Variants in DYRK3 observed in about 807,000 individuals in gnomAD.
DYRK3 encodes dual specificity tyrosine-phosphorylation-regulated kinase 3.
In DYRK3, 30 loss-of-function variants were observed where a neutral mutation model predicts 40.8. The ratio of observed to expected loss-of-function variants is 0.74; its 90% CI spans 0.55 to 1.00. DYRK3 has a LOEUF of 1.00. DYRK3 is among the 50% of genes least tolerant of loss of function. The pLI is 0.00. For synonymous variants in DYRK3, 272 were observed against 260.7 expected (o/e 1.04, Z -0.42); for missense variants, 699 against 731.5 (o/e 0.96, Z 0.51).
In DYRK3 at chr1:206,650,597, A is replaced by G. The variant is rs1572454011; in HGVS notation, c.*1632A>G. Among the ~76,000 whole-genome samples the G allele has an allele frequency of 6.7e-6, 1 of 148,870 alleles. No homozygotes were observed. Among genetic ancestry groups the G allele is most frequent in the African/African-American group, 2.4e-5 (1 of 41,078 alleles). The stretch of plus-strand genomic sequence containing the variant: ...AAGTAGAATATTTGCTTTTTACAAT[A>G]TAGTTCTCAGAATGATCCAGTTCCA... On this transcript the variant is annotated 3_prime_UTR_variant, in exon 3 of 3. Transcript: ENST00000367109.
chr1:206,638,198 T>A (rs1399754624), intron 2 of DYRK3, among the ~76,000 whole-genome samples: 1 of 151,902 alleles, frequency 6.6e-6, no homozygotes, highest in Non-Finnish European at 1.5e-5. Flanking sequence ...AGAACCATTT[T>A]ATAGATAGAT....
rs1553420493 is a variant in DYRK3, at chr1:206,647,977, T to A, written c.779T>A (p.Leu260His). ...GAGGAGATCCGGATTTTGGAGCATC[T>A]TAAGAAACAGGATAAAACTGGTAGT... ...AAEEIRILEHLKKQDKTGSMN... is the reference protein window; with the variant it reads ...AAEEIRILEHHKKQDKTGSMN... The change falls in exon 3 of 3, where the codon CTT becomes CAT. Residue 260 changes from leucine (L) to histidine (H), a missense_variant. Physicochemically the swap from Leu to His is moderately conservative, Grantham distance 99 (BLOSUM62 -3). Transcript: ENST00000367109. 1 of 1,614,096 alleles carries A rather than the reference T, an allele frequency of 6.2e-7. No homozygotes were observed. The highest frequency in any genetic ancestry group is 1.7e-5 in the Admixed American group (1 of 60,008).
chr1:206,652,968 C>T lies in DYRK3; in HGVS notation c.*4003C>T, dbSNP rs572217997. Among the ~76,000 whole-genome samples the T allele has an allele frequency of 3.5e-4, 54 of 152,164 alleles. No homozygotes were observed. Among genetic ancestry groups the T allele is most frequent in the Admixed American group, 6.5e-4 (10 of 15,276 alleles). On this transcript the variant is annotated 3_prime_UTR_variant, in exon 3 of 3. Coordinates refer to ENST00000367109, the MANE Select transcript of DYRK3 (RefSeq NM_003582.4). ...TTTAATTTCCAAGTTGTTTCTGACA[C>T]GGTGAGAGTTGGGTTAGAATTTTTA...
chr1:206,638,916 G>T (rs1553418832), intron 2 of DYRK3, among the ~76,000 whole-genome samples: 1 of 117,550 alleles, frequency 8.5e-6, no homozygotes, highest in Admixed American at 1.2e-4. Flanking sequence ...GTCTTACTCT[G>T]TCTTCCAGGC....
At chr1:206,644,689 G>A (rs184682133) in intron 2 of DYRK3, among the ~76,000 whole-genome samples, 338 of 152,178 alleles carry the variant, frequency 2.2e-3, no homozygotes, top group African/African-American at 7.7e-3. Flanking sequence ...GCAGGTGCGC[G>A]CCACTACGCC....
chr1:206,644,056 A>T (rs1553419744), intron 2 of DYRK3, among the ~76,000 whole-genome samples: 1 of 55,604 alleles, frequency 1.8e-5, no homozygotes, highest in Non-Finnish European at 4.3e-5. Flanking sequence ...TTTTTTTGAG[A>T]AGTAGTCTTG....
intron 2 of DYRK3, among the ~76,000 whole-genome samples, chr1:206,639,000 C>G (rs1553418858): frequency 6.6e-6 from 1 of 151,484 alleles, no homozygotes; most frequent in Middle Eastern, 3.2e-3. Context: ...CTGCCTCAGC[C>G]TTCCTGAGTA....
In DYRK3 at chr1:206,647,391, A is replaced by T. The variant is rs1164869489; in HGVS notation, c.193A>T (p.Thr65Ser). The change falls in exon 3 of 3, where the codon ACC becomes TCC. Residue 65 changes from threonine (T) to serine (S), a missense_variant. Transcript: ENST00000367109. ...ATATTCATTTTCTCTTTCATAGATG[A>T]CCACTGAGCAGTTTACAGGAGATCA... ...EPPPPRRLNM[T>S]TEQFTGDHTQ... 6 of 1,580,586 alleles carry T rather than the reference A, an allele frequency of 3.8e-6. No homozygotes were observed. The highest frequency in any genetic ancestry group is 1.9e-5 in the Admixed American group (1 of 53,044).
chr1:206,648,175 T>A lies in DYRK3; in HGVS notation c.977T>A (p.Leu326His). Residue 326 changes from leucine (L) to histidine (H), a missense_variant, in exon 3 of 3, where the codon CTC becomes CAC. By Grantham distance (99) the Leu-to-His change is moderately conservative (BLOSUM62 -3). Coordinates refer to ENST00000367109, the MANE Select transcript of DYRK3 (RefSeq NM_003582.4). ...AQSILQSLDA[L>H]HKNKIIHCDL... is the part of the protein sequence containing the mutation. ...TCCATCTTGCAATCTTTGGATGCCC[T>A]CCACAAAAATAAGATTATTCACTGC... is the stretch of plus-strand genomic sequence containing the variant. 5 of 1,614,118 alleles carry A rather than the reference T, an allele frequency of 3.1e-6. No homozygotes were observed. Among genetic ancestry groups the A allele is most frequent in the Non-Finnish European group, 4.2e-6 (5 of 1,180,018 alleles).
Position 206,647,453 on chromosome 1 carries a change from A to G in DYRK3, c.255A>G (p.Val85=). ...QHFLDGGEMK[V]EQLFQEFGNR... ...TTTTGGATGGAGGTGAGATGAAGGTAGAACAGCTGTTTCAAGAATTTGGCA... is the reference window on the plus strand; with the variant it reads ...TTTTGGATGGAGGTGAGATGAAGGTGGAACAGCTGTTTCAAGAATTTGGCA... Residue 85 remains valine (V), a synonymous_variant, in exon 3 of 3, where the codon GTA becomes GTG. Transcript: ENST00000367109. 1 of 1,614,160 alleles carries G rather than the reference A, an allele frequency of 6.2e-7. No homozygotes were observed. Among genetic ancestry groups the G allele is most frequent in the Non-Finnish European group, 8.5e-7 (1 of 1,180,006 alleles).
Position 206,648,933 on chromosome 1 carries a change from C to G in DYRK3, c.1735C>G (p.Leu579Val). Reference protein sequence around the residue: ...LMSETNGSIPLCSVLPKLIS With the variant: ...LMSETNGSIPVCSVLPKLIS ...GTCAGAAACCAATGGTAGTATACCC[C>G]TATGCAGTGTATTGCCAAAACTGAT... Residue 579 changes from leucine (L) to valine (V), a missense_variant, in exon 3 of 3, where the codon CTA becomes GTA. Physicochemically the swap from Leu to Val is conservative, Grantham distance 32 (BLOSUM62 1). Coordinates refer to ENST00000367109, the MANE Select transcript of DYRK3 (RefSeq NM_003582.4). 6.2e-7 allele frequency: 1 copy of G among 1,613,716 alleles called. No homozygotes were observed. Among genetic ancestry groups the G allele is most frequent in the Admixed American group, 1.7e-5 (1 of 60,004 alleles).
chr1:206,651,339 CA>C lies in DYRK3; in HGVS notation c.*2375del, dbSNP rs1298240972. On this transcript the variant is annotated 3_prime_UTR_variant, in exon 3 of 3. Coordinates refer to ENST00000367109, the MANE Select transcript of DYRK3 (RefSeq NM_003582.4). ...ACATTGCGTAGGTTTGGGAATTTTG[CA>C]GGTGCTAAATCATCATGGCCAGGAA... 6.6e-6 allele frequency among the ~76,000 whole-genome samples: 1 copy of C among 152,180 alleles called. No individual in the cohort carries two copies. Among genetic ancestry groups the C allele is most frequent in the South Asian group, 2.1e-4 (1 of 4,832 alleles).
chr1:206,643,054 G>T (rs1671336095), intron 2 of DYRK3, among the ~76,000 whole-genome samples: 1 of 152,144 alleles, frequency 6.6e-6, no homozygotes, highest in Non-Finnish European at 1.5e-5. Flanking sequence ...GAAGTAGCCT[G>T]CTCTGTTCTG....
rs371758530 is a variant in DYRK3, at chr1:206,648,743, A to T, written c.1545A>T (p.Gln515His). 26 of 1,614,068 alleles carry T rather than the reference A, an allele frequency of 1.6e-5. No individual in the cohort carries two copies. The highest frequency in any genetic ancestry group is 1.1e-4 in the East Asian group (5 of 44,886). The change falls in exon 3 of 3, where the codon CAA (glutamine) becomes CAT (histidine). Residue 515 changes from glutamine (Q) to histidine (H), a missense_variant. By Grantham distance (24) the Gln-to-His change is conservative. Coordinates refer to ENST00000367109, the MANE Select transcript of DYRK3 (RefSeq NM_003582.4). ...CCTCTGCCCGCTTGACCCCAGCTCA[A>T]GCATTAAGACACCCTTGGATTAGCA... ...WDPSARLTPA[Q>H]ALRHPWISKS...
chr1:206,639,270 T>G (rs566161203), intron 2 of DYRK3, among the ~76,000 whole-genome samples: 1 of 152,116 alleles, frequency 6.6e-6, no homozygotes, highest in African/African-American at 2.4e-5. Flanking sequence ...CTTTTTGGAG[T>G]GTAGTGGGGT....
chr1:206,635,879 A>G, intron 1 of DYRK3, 99 bp downstream of exon 1: 1 of 1,259,770 alleles, frequency 7.9e-7, no homozygotes. Context: ...GTGAGCCCTC[A>G]GTAGGAGGGA....
intron 1 of DYRK3, among the ~76,000 whole-genome samples, chr1:206,637,125 G>A (rs1270599633): frequency 6.6e-6 from 1 of 152,362 alleles, no homozygotes; most frequent in East Asian, 1.9e-4. Flanking sequence ...TTGCCTGTAA[G>A]ACCCAGAAGT....
chr1:206,643,572 C>CT (rs1266621854), intron 2 of DYRK3, among the ~76,000 whole-genome samples: 1 of 152,140 alleles, frequency 6.6e-6, no homozygotes, highest in Non-Finnish European at 1.5e-5. Context: ...AGAGGCATTC[C>CT]TTTTCATTAG....
chr1:206,636,806 T>A, intron 1 of DYRK3: 1 of 987,368 alleles, frequency 1.0e-6, no homozygotes, highest in Admixed American at 2.8e-5. Flanking sequence ...TGGTAGCAGA[T>A]GAAATACATT....
Sources: gnomAD v4.1 joint callset for allele counts (sites outside exome capture counted in the v4.1 genomes callset) on GRCh38, gnomAD v4.1.1 for gene constraint, MANE v1.5 for transcripts, NCBI Gene and HGNC (gene_info 2026-07-23, HGNC 2026-07-21) for gene names.